BOLL: variants seen among roughly 807,000 people sequenced by gnomAD.
BOLL encodes boule RNA binding protein.
Under a neutral mutation model 44.4 loss-of-function variants are expected in BOLL, and 23 were observed. That is an observed-to-expected ratio of 0.52 (90% CI 0.37 to 0.73). BOLL has a LOEUF of 0.73. Among genes scored for constraint, BOLL ranks in the 30% least tolerant of loss-of-function variants. BOLL has a pLI of 0.00. For missense variants in BOLL, 287 were observed against 338.3 expected, an observed-to-expected ratio of 0.85 and a Z score of 1.19; for synonymous variants, 97 against 110.8, an observed-to-expected ratio of 0.88 and a Z score of 0.78.
At chr2:197,762,235 C>G (rs547347880) in intron 7 of BOLL, among the ~76,000 whole-genome samples, 1 of 151,826 alleles carries the variant, frequency 6.6e-6, no homozygotes, top group Admixed American at 6.6e-5. Context: ...TCCCAGCTAC[C>G]GAGGAGGCTG....
In BOLL at chr2:197,769,817, A is replaced by T. The variant is rs1689156796; in HGVS notation, c.480+2038T>A. Among the ~76,000 whole-genome samples, 4 of 152,174 alleles carry T rather than the reference A, an allele frequency of 2.6e-5. No individual in the cohort carries two copies. In the South Asian group the frequency reaches 8.3e-4, roughly 32 times the overall value. ...AGGGATGTGAAGGACCTCTTCAAGG[A>T]GAACTACAAACCACTGCTCAACGAA... On this transcript the variant is annotated intron_variant, in intron 6 of 10. Transcript: ENST00000392296.
At chr2:197,739,435 A>C (rs940139361) in intron 10 of BOLL, among the ~76,000 whole-genome samples, 4 of 151,644 alleles carry the variant, frequency 2.6e-5, no homozygotes, top group Non-Finnish European at 5.9e-5. Flanking sequence ...ATAGTTTTTA[A>C]AATTTTTATT....
chr2:197,747,582 C>CAAAAAA (rs59385223), intron 9 of BOLL, among the ~76,000 whole-genome samples: 2 of 60,190 alleles, frequency 3.3e-5, no homozygotes, highest in Non-Finnish European at 2.9e-5. Flanking sequence ...GACTCGGGCT[C>CAAAAAA]AAAAAAAAAA....
intron 6 of BOLL, among the ~76,000 whole-genome samples, chr2:197,768,386 T>G (rs919129261): frequency 1.3e-5 from 2 of 151,832 alleles, no homozygotes; most frequent in Admixed American, 6.6e-5. Context: ...ATTAAAAAAT[T>G]TATACACATA....
intron 1 of BOLL, chr2:197,784,645 G>A (rs1053048721): frequency 1.2e-6 from 1 of 856,554 alleles, no homozygotes; most frequent in Non-Finnish European, 1.4e-6. Flanking sequence ...GGCCAGGATG[G>A]TCTCGATCTC....
chr2:197,731,405 C>G (rs768032571), intron 10 of BOLL, among the ~76,000 whole-genome samples: 4 of 146,102 alleles, frequency 2.7e-5, no homozygotes, highest in Non-Finnish European at 6.0e-5. Flanking sequence ...GACAGATCAA[C>G]GAGACAGAAA....
chr2:197,735,990 A>G (rs1687466608), intron 10 of BOLL, among the ~76,000 whole-genome samples: 1 of 152,148 alleles, frequency 6.6e-6, no homozygotes, highest in Non-Finnish European at 1.5e-5. Flanking sequence ...CTTCACTTCA[A>G]GGATTTAAGA....
At chr2:197,743,515 G>A (rs929505972) in intron 9 of BOLL, among the ~76,000 whole-genome samples, 1 of 152,190 alleles carries the variant, frequency 6.6e-6, no homozygotes, top group Non-Finnish European at 1.5e-5. Context: ...TAATATTCAT[G>A]TAATTGTGTG....
chr2:197,756,660 TA>T, intron 8 of BOLL, 104 bp from the exon 9 acceptor site: 1 of 1,197,822 alleles, frequency 8.3e-7, no homozygotes, highest in Non-Finnish European at 1.1e-6. Flanking sequence ...TTTATTTTAC[TA>T]AATTTTTTTT....
intron 10 of BOLL, among the ~76,000 whole-genome samples, chr2:197,736,943 A>G (rs1210795810): frequency 1.3e-5 from 2 of 152,034 alleles, no homozygotes; most frequent in Non-Finnish European, 2.9e-5. Flanking sequence ...ACATTCTGGA[A>G]GAATTAAAAA....
At chr2:197,734,046 T>C (rs1389088065) in intron 10 of BOLL, among the ~76,000 whole-genome samples, 2 of 150,422 alleles carry the variant, frequency 1.3e-5, no homozygotes, top group Admixed American at 6.6e-5. Context: ...TGGGAGAAAA[T>C]TTTTGCAACC....
At chr2:197,770,715 G>C (rs1009958537) in intron 6 of BOLL, among the ~76,000 whole-genome samples, 4 of 152,166 alleles carry the variant, frequency 2.6e-5, no homozygotes, top group Non-Finnish European at 1.5e-5. Context: ...CTTAAAAGAA[G>C]ACATTTATGC....
At chr2:197,766,454 T>G in intron 7 of BOLL, 78 bp downstream of exon 7, 2 of 1,207,608 alleles carry the variant, frequency 1.7e-6, no homozygotes, top group Non-Finnish European at 2.4e-6. Context: ...AGTAGTTGCA[T>G]GAGAAAGAAA....
chr2:197,751,223 T>C (rs1336783154), intron 9 of BOLL, among the ~76,000 whole-genome samples: 1 of 151,888 alleles, frequency 6.6e-6, no homozygotes, highest in Non-Finnish European at 1.5e-5. Flanking sequence ...CACCCTAACA[T>C]TACAATTAAA....
intron 9 of BOLL, among the ~76,000 whole-genome samples, chr2:197,749,647 T>C (rs1688146229): frequency 6.6e-6 from 1 of 151,512 alleles, no homozygotes; most frequent in South Asian, 2.1e-4. Context: ...AGATGGAAGA[T>C]TGACTTAATG....
intron 9 of BOLL, among the ~76,000 whole-genome samples, chr2:197,744,406 A>G (rs970077930): frequency 2.0e-5 from 3 of 152,218 alleles, no homozygotes; most frequent in Admixed American, 2.0e-4. Flanking sequence ...TATCATGGAA[A>G]CCAAGGGTAG....
intron 10 of BOLL, among the ~76,000 whole-genome samples, chr2:197,739,366 A>T (rs2106321711): frequency 6.6e-6 from 1 of 152,258 alleles, no homozygotes; most frequent in East Asian, 1.9e-4. Flanking sequence ...GGCTCAAGTG[A>T]TCATCCTGCC....
At chr2:197,786,072 CA>C (rs1690061123), upstream of BOLL, 1 of 1,572,678 alleles carries the variant, frequency 6.4e-7, no homozygotes, top group Non-Finnish European at 8.6e-7. The surrounding 1 kb of genome is among the most constrained non-coding windows in gnomAD (Gnocchi z 5.9). Flanking sequence ...ACCTTCACGC[CA>C]AGGCAGCAGC....
At chr2:197,770,082 G>A (rs978476183) in intron 6 of BOLL, among the ~76,000 whole-genome samples, 2 of 152,040 alleles carry the variant, frequency 1.3e-5, no homozygotes, top group African/African-American at 4.8e-5. Flanking sequence ...GAGGCATCAC[G>A]CTAGCTGACT....
Sources: allele counts gnomAD v4.1 joint callset (sites outside exome capture counted in the v4.1 genomes callset), GRCh38; gene constraint gnomAD v4.1.1; non-coding constraint Gnocchi (gnomAD v3.1); transcripts MANE v1.5; gene names NCBI Gene and HGNC (gene_info 2026-07-23, HGNC 2026-07-21).